Variants in KHDRBS2 observed in about 807,000 individuals in gnomAD.
KHDRBS2 encodes the protein KH domain-containing, RNA-binding, signal transduction-associated protein 2.
KHDRBS2 carries 26 observed loss-of-function variants against 44.3 expected under a neutral mutation model. The ratio of observed to expected loss-of-function variants is 0.59; its 90% CI spans 0.43 to 0.81. The LOEUF is 0.81. KHDRBS2 is among the 40% of genes least tolerant of loss of function. KHDRBS2 has a pLI of 0.00. For missense variants in KHDRBS2, 476 were observed against 433.1 expected, an observed-to-expected ratio of 1.10 and a Z score of -0.88; for synonymous variants, 194 against 151.1, an observed-to-expected ratio of 1.28 and a Z score of -2.08.
chr6:61,997,135 A>C (rs1777350987), intron 3 of KHDRBS2, among the ~76,000 whole-genome samples: 3 of 152,044 alleles, frequency 2.0e-5, no homozygotes, highest in African/African-American at 7.2e-5. Context: ...TTCTGTGTTA[A>C]AGCATGTTTT....
intron 1 of KHDRBS2, among the ~76,000 whole-genome samples, chr6:62,185,002 C>T (rs1823135319): frequency 6.6e-6 from 1 of 151,882 alleles, no homozygotes; most frequent in Non-Finnish European, 1.5e-5. Context: ...GCTAAAATAT[C>T]TTTGTCACCT....
the KHDRBS2 span, among the ~76,000 whole-genome samples, chr6:61,604,325 C>T: frequency 2.0e-5 from 3 of 151,034 alleles, no homozygotes; most frequent in African/African-American, 2.4e-5. Flanking sequence ...AATGCTTATG[C>T]TGATAAGGTA....
chr6:61,710,725 C>T (rs1300993650), intron 7 of KHDRBS2, among the ~76,000 whole-genome samples: 2 of 150,448 alleles, frequency 1.3e-5, no homozygotes, highest in African/African-American at 4.9e-5. Flanking sequence ...CAAGATTCAC[C>T]CTTTCTCACT....
rs550777927 is a variant in KHDRBS2, at chr6:61,865,829, C to G, written c.810+28806G>C. ...TACAGGCCCCATGCAAGTCCAAAAT[C>G]TGGTGGGGTAGTCTAATCTTAAAGC... On this transcript the variant is annotated intron_variant, in intron 6 of 8. Transcript: ENST00000281156. Among the ~76,000 whole-genome samples, 8 of 152,328 alleles carry G rather than the reference C, an allele frequency of 5.3e-5. No homozygotes were observed. The South Asian group carries it at 1.4e-3, about 28-fold the overall frequency.
At chr6:61,655,260 A>ACACC in the KHDRBS2 span, among the ~76,000 whole-genome samples, 4 of 146,582 alleles carry the variant, frequency 2.7e-5, no homozygotes, top group African/African-American at 9.9e-5. Flanking sequence ...ACACACACAC[A>ACACC]CTATTTATTT....
the KHDRBS2 span, among the ~76,000 whole-genome samples, chr6:61,596,574 C>T: frequency 2.0e-4 from 30 of 152,162 alleles, no homozygotes; most frequent in Admixed American, 1.4e-3. Context: ...CATAACTATT[C>T]TGATGACCTG....
At chr6:61,775,463 T>C (rs530641651) in intron 6 of KHDRBS2, among the ~76,000 whole-genome samples, 28 of 152,238 alleles carry the variant, frequency 1.8e-4, no homozygotes, top group Middle Eastern at 6.8e-3. Flanking sequence ...CAAAAATCAA[T>C]GTACAAAAAT....
chr6:61,963,029 G>C (rs1378106367), intron 4 of KHDRBS2, among the ~76,000 whole-genome samples: 1 of 152,050 alleles, frequency 6.6e-6, no homozygotes, highest in African/African-American at 2.4e-5. Context: ...ACTGACAGCA[G>C]CAGACTTATT....
intron 6 of KHDRBS2, among the ~76,000 whole-genome samples, chr6:61,746,579 A>G (rs1333298501): frequency 4.6e-5 from 7 of 152,074 alleles, no homozygotes; most frequent in Non-Finnish European, 1.0e-4. Context: ...GAGTTGTTCC[A>G]TGATTTTGCT....
intron 1 of KHDRBS2, among the ~76,000 whole-genome samples, chr6:62,285,541 G>A (rs1842366301): frequency 6.6e-6 from 1 of 152,130 alleles, no homozygotes; most frequent in Admixed American, 6.5e-5. Flanking sequence ...CCTTCCCTCT[G>A]CGAAGTGAAA....
chr6:62,148,063 A>C (rs944023043), intron 2 of KHDRBS2, among the ~76,000 whole-genome samples: 14 of 152,060 alleles, frequency 9.2e-5, no homozygotes, highest in African/African-American at 2.9e-4. Flanking sequence ...TTTTTACGTT[A>C]ACATTTACAG....
At chr6:61,813,560 T>A (rs1788450266) in intron 6 of KHDRBS2, among the ~76,000 whole-genome samples, 1 of 152,116 alleles carries the variant, frequency 6.6e-6, no homozygotes, top group Non-Finnish European at 1.5e-5. Flanking sequence ...ATTAGAAGAG[T>A]ATGCGTTTAG....
At chr6:61,957,374 A>C (rs1767613401) in intron 4 of KHDRBS2, among the ~76,000 whole-genome samples, 1 of 152,244 alleles carries the variant, frequency 6.6e-6, no homozygotes, top group Admixed American at 6.5e-5. Flanking sequence ...CCGGTGAGCC[A>C]GGTGGAACAG....
chr6:61,822,084 T>C (rs1373380143), intron 6 of KHDRBS2, among the ~76,000 whole-genome samples: 1 of 152,000 alleles, frequency 6.6e-6, no homozygotes, highest in South Asian at 2.1e-4. Context: ...ATGACTTCCA[T>C]AGCCATCTCT....
At position 62,269,347 on chromosome 6, in the gene KHDRBS2, C is replaced by G. The variant is rs377761535; in HGVS notation, c.91+16511G>C. Among the ~76,000 whole-genome samples the G allele has an allele frequency of 2.0e-3, 306 of 152,116 alleles. 10 individuals are homozygous for G. In the South Asian group the frequency reaches 0.06, roughly 30 times the overall value. On this transcript the variant is annotated intron_variant, in intron 1 of 8. Coordinates refer to ENST00000281156, the MANE Select transcript of KHDRBS2 (RefSeq NM_152688.4). Reference sequence around the variant, plus strand: ...TATCACAAAACATATTTGTAACAAACGATGCAAACCCAGAACACAAATAAC... The same window carrying G: ...TATCACAAAACATATTTGTAACAAAGGATGCAAACCCAGAACACAAATAAC...
chr6:61,685,594 T>C (rs1229223870), intron 8 of KHDRBS2, among the ~76,000 whole-genome samples: 1 of 151,850 alleles, frequency 6.6e-6, no homozygotes, highest in Non-Finnish European at 1.5e-5. Flanking sequence ...AATCAGGTTT[T>C]ACAGACTGCC....
At chr6:61,822,259 A>T (rs1790036927) in intron 6 of KHDRBS2, among the ~76,000 whole-genome samples, 1 of 151,976 alleles carries the variant, frequency 6.6e-6, no homozygotes, top group African/African-American at 2.4e-5. Context: ...TTGTTTCTTC[A>T]TCCTACTGTA....
At chr6:61,907,192 T>C (rs977593306) in intron 4 of KHDRBS2, among the ~76,000 whole-genome samples, 9 of 152,192 alleles carry the variant, frequency 5.9e-5, no homozygotes, top group African/African-American at 2.2e-4. Flanking sequence ...TGTTGACAAT[T>C]TGTATGTCTT....
At chr6:62,075,244 A>G (rs2127349348) in intron 2 of KHDRBS2, among the ~76,000 whole-genome samples, 1 of 151,984 alleles carries the variant, frequency 6.6e-6, no homozygotes, top group Non-Finnish European at 1.5e-5. Context: ...TCATAAATGG[A>G]TTCCCTTATA....
Sources: allele counts gnomAD v4.1 joint callset (sites outside exome capture counted in the v4.1 genomes callset), GRCh38; gene constraint gnomAD v4.1.1; transcripts MANE v1.5; gene names NCBI Gene and HGNC (gene_info 2026-07-23, HGNC 2026-07-21).